Variants in MAN1C1 observed in about 807,000 individuals in gnomAD.
MAN1C1 encodes mannosyl-oligosaccharide 1,2-alpha-mannosidase IC.
Under a neutral mutation model 71.5 loss-of-function variants are expected in MAN1C1, and 49 were observed. The observed-to-expected ratio is 0.69, with a 90% CI of 0.54 to 0.87. MAN1C1 has a LOEUF of 0.87. MAN1C1 is among the 40% of genes least tolerant of loss of function. MAN1C1 has a pLI of 0.00. For missense variants in MAN1C1, 743 were observed against 835.0 expected, an observed-to-expected ratio of 0.89 and a Z score of 1.36; for synonymous variants, 352 against 343.7, an observed-to-expected ratio of 1.02 and a Z score of -0.27.
intron 4 of MAN1C1, among the ~76,000 whole-genome samples, chr1:25,751,896 C>T (rs944770924): frequency 6.6e-6 from 1 of 152,166 alleles, no homozygotes; most frequent in African/African-American, 2.4e-5. Flanking sequence ...AGGGCTCAGC[C>T]ACACCAGACT....
chr1:25,679,214 T>G (rs140737731), intron 1 of MAN1C1, among the ~76,000 whole-genome samples: 64 of 152,270 alleles, frequency 4.2e-4, no homozygotes, highest in Non-Finnish European at 7.8e-4. Context: ...TGTAGAAAAT[T>G]CTCAGAACCA....
At chr1:25,684,088 A>C (rs7536887) in intron 1 of MAN1C1, among the ~76,000 whole-genome samples, 5,603 of 152,166 alleles carry the variant, frequency 0.037, 169 homozygotes, top group Non-Finnish European at 0.056. Context: ...CTCTCTAGGT[A>C]GGGGGAATTT....
intron 1 of MAN1C1, among the ~76,000 whole-genome samples, chr1:25,633,517 T>C (rs2045413920): frequency 6.7e-6 from 1 of 149,176 alleles, no homozygotes; most frequent in South Asian, 2.1e-4. Context: ...TTTATCATTA[T>C]GTAATGACCT....
intron 4 of MAN1C1, among the ~76,000 whole-genome samples, chr1:25,752,419 G>A (rs1285906512): frequency 1.3e-5 from 2 of 151,994 alleles, no homozygotes; most frequent in African/African-American, 4.8e-5. Context: ...CACCTGCTTC[G>A]GCCTCCCAAA....
At chr1:25,774,649 T>C (rs2047595908) in intron 8 of MAN1C1, among the ~76,000 whole-genome samples, 1 of 152,182 alleles carries the variant, frequency 6.6e-6, no homozygotes, top group Non-Finnish European at 1.5e-5. Context: ...ATTACTCCCA[T>C]TTTATAGATG....
intron 1 of MAN1C1, among the ~76,000 whole-genome samples, chr1:25,629,219 A>G (rs1051788104): frequency 2.0e-5 from 3 of 152,172 alleles, no homozygotes; most frequent in African/African-American, 4.8e-5. Flanking sequence ...CCAGCAGTGT[A>G]TGAGTGTTCC....
intron 2 of MAN1C1, among the ~76,000 whole-genome samples, chr1:25,705,288 T>C (rs1408910215): frequency 6.6e-6 from 1 of 152,230 alleles, no homozygotes; most frequent in African/African-American, 2.4e-5. Context: ...AAAGAGAAGA[T>C]ATGTATTTCT....
At chr1:25,661,197 G>C (rs1272528335) in intron 1 of MAN1C1, among the ~76,000 whole-genome samples, 2 of 152,232 alleles carry the variant, frequency 1.3e-5, no homozygotes, top group African/African-American at 4.8e-5. Context: ...GCTGGATGCA[G>C]CTGTGCTGCG....
In MAN1C1 at chr1:25,775,457, G is replaced by T. The variant is rs573469982; in HGVS notation, c.1258-2648G>T. ...AAAAAAGGAAAAAACAGACCCAGGA[G>T]TGAGCGAGTGTTCCTTGAGCATCTT... On this transcript the variant is annotated intron_variant, in intron 8 of 11. Transcript: ENST00000374332. The surrounding 1 kb of genome is among the most constrained non-coding windows in gnomAD (Gnocchi z 5.1). Among the ~76,000 whole-genome samples, 6 of 152,366 alleles carry T rather than the reference G, an allele frequency of 3.9e-5. No individual in the cohort carries two copies. The highest frequency in any genetic ancestry group is 3.3e-4 in the Admixed American group (5 of 15,304).
intron 1 of MAN1C1, among the ~76,000 whole-genome samples, chr1:25,672,734 G>C (rs1029110397): frequency 5.3e-5 from 8 of 152,168 alleles, no homozygotes; most frequent in African/African-American, 1.4e-4. Context: ...ACATTCACAG[G>C]CTCTGAGGAT....
chr1:25,773,285 G>C (rs1341644931), intron 8 of MAN1C1, among the ~76,000 whole-genome samples: 4 of 150,378 alleles, frequency 2.7e-5, no homozygotes, highest in Non-Finnish European at 5.9e-5. Context: ...GGGTGGGTGG[G>C]TGTGGGCAGT....
chr1:25,726,893 T>TAA (rs530911352), intron 2 of MAN1C1, among the ~76,000 whole-genome samples: 4,041 of 127,178 alleles, frequency 0.032, 236 homozygotes, highest in African/African-American at 0.11. Context: ...TCATCTCTAT[T>TAA]AAAAAAAAAA....
At chr1:25,712,110 G>C (rs2046620588) in intron 2 of MAN1C1, among the ~76,000 whole-genome samples, 1 of 152,202 alleles carries the variant, frequency 6.6e-6, no homozygotes, top group African/African-American at 2.4e-5. Flanking sequence ...CTCAATGTTG[G>C]CATATAGTAG....
chr1:25,746,740 A>G lies in MAN1C1; in HGVS notation c.710A>G (p.Gln237Arg). 1 of 1,559,960 alleles carries G rather than the reference A, an allele frequency of 6.4e-7. No homozygotes were observed. Among genetic ancestry groups the G allele is most frequent in the South Asian group, 1.1e-5 (1 of 90,386 alleles). Residue 237 changes from glutamine to arginine, a missense_variant, in exon 3 of 12, where the codon CAG (glutamine) becomes CGG (arginine). Transcript: ENST00000374332. This position sits in a 1 kb window ranked among gnomAD's most constrained non-coding sequence, Gnocchi z 4.0. ...LYLMELKEEFQEAKAWVGESF... is the reference protein window; with the variant it reads ...LYLMELKEEFREAKAWVGESF... ...CTCATGGAGCTGAAGGAGGAGTTCC[A>G]GGAGGCCAAGGCCTGGGTGGGAGAG...
intron 1 of MAN1C1, among the ~76,000 whole-genome samples, chr1:25,619,239 C>T (rs990409595): frequency 5.3e-5 from 8 of 152,216 alleles, no homozygotes; most frequent in African/African-American, 1.9e-4. Context: ...TGCAGTGACA[C>T]CCCCAGGCCA....
At chr1:25,722,557 G>A (rs1463876526) in intron 2 of MAN1C1, among the ~76,000 whole-genome samples, 2 of 152,160 alleles carry the variant, frequency 1.3e-5, no homozygotes, top group Admixed American at 1.3e-4. Flanking sequence ...ATTTCCAAGA[G>A]CTCCATTTTA....
chr1:25,665,072 G>A (rs867293340), intron 1 of MAN1C1, among the ~76,000 whole-genome samples: 1 of 152,332 alleles, frequency 6.6e-6, no homozygotes. Flanking sequence ...AAGGTGCACG[G>A]CCTGTGTAGA....
At chr1:25,694,991 T>C (rs1208645206) in intron 2 of MAN1C1, among the ~76,000 whole-genome samples, 1 of 152,176 alleles carries the variant, frequency 6.6e-6, no homozygotes, top group Non-Finnish European at 1.5e-5. Context: ...ACATTTTTTT[T>C]CTTCCCTGCA....
At chr1:25,748,347 C>T (rs1385207228) in intron 3 of MAN1C1, among the ~76,000 whole-genome samples, 1 of 152,124 alleles carries the variant, frequency 6.6e-6, no homozygotes, top group Non-Finnish European at 1.5e-5. Flanking sequence ...TGAAGAGCTC[C>T]CCCAGGTTAA....
Sources: allele counts gnomAD v4.1 joint callset (sites outside exome capture counted in the v4.1 genomes callset), GRCh38; gene constraint gnomAD v4.1.1; non-coding constraint Gnocchi (gnomAD v3.1); transcripts MANE v1.5; gene names NCBI Gene and HGNC (gene_info 2026-07-23, HGNC 2026-07-21).